NPAS3: variants seen among roughly 807,000 people sequenced by gnomAD.
The protein encoded by NPAS3 is neuronal PAS domain protein 3, also known as neuronal PAS domain-containing protein 3.
In NPAS3, 14 loss-of-function variants were observed where a neutral mutation model predicts 73.1. The ratio of observed to expected loss-of-function variants is 0.19; its 90% confidence interval spans 0.13 to 0.30. The LOEUF (loss-of-function observed/expected upper bound fraction) is 0.30, where lower values mean the gene tolerates loss of function less well. Among genes scored for constraint, NPAS3 ranks in the 10% least tolerant of loss-of-function variants. NPAS3 has a pLI of 1.00. For missense variants in NPAS3, 1,096 were observed against 1,250.0 expected, an observed-to-expected ratio of 0.88 and a Z score of 1.86; for synonymous variants, 620 against 541.5, an observed-to-expected ratio of 1.14 and a Z score of -2.01.
chr14:33,156,279 G>A lies in NPAS3; in HGVS notation c.141-58903G>A, dbSNP rs1280263314. 2.0e-5 allele frequency among the ~76,000 whole-genome samples: 3 copies of A among 152,170 alleles called. No individual in the cohort carries two copies. In the South Asian group the frequency reaches 6.2e-4, roughly 32 times the overall value. ...TTTATTGGATTTTTGCATCACTGCA[G>A]ATTGATCTATTGAATTTGTCACAGT... On this transcript the variant is annotated intron_variant, in intron 2 of 11. Transcript: ENST00000356141.
intron 6 of NPAS3, chr14:33,680,635 C>G (rs905416230): frequency 2.8e-6 from 2 of 702,560 alleles, no homozygotes; most frequent in African/African-American, 3.5e-5. Flanking sequence ...TGATCAGTTT[C>G]TTCTGTAGGA....
intron 1 of NPAS3, among the ~76,000 whole-genome samples, chr14:33,027,147 G>A (rs187625276): frequency 1.9e-3 from 295 of 152,264 alleles, no homozygotes; most frequent in African/African-American, 6.5e-3. Context: ...GACCACCAGC[G>A]TTGGCAGGGA....
At chr14:33,637,351 C>G (rs1184090618) in intron 5 of NPAS3, among the ~76,000 whole-genome samples, 1 of 152,174 alleles carries the variant, frequency 6.6e-6, no homozygotes, top group East Asian at 1.9e-4. Context: ...CTCCACTTTG[C>G]TGGATTCAGC....
chr14:33,104,451 A>T (rs191669035), intron 2 of NPAS3, among the ~76,000 whole-genome samples: 1 of 152,210 alleles, frequency 6.6e-6, no homozygotes, highest in Non-Finnish European at 1.5e-5. Flanking sequence ...GAAATTTTAT[A>T]TATAGTGAAC....
At chr14:33,412,468 C>T (rs567893170) in intron 4 of NPAS3, among the ~76,000 whole-genome samples, 1 of 152,262 alleles carries the variant, frequency 6.6e-6, no homozygotes, top group African/African-American at 2.4e-5. Context: ...AATATCTTTG[C>T]TCTGTAGCTT....
At chr14:33,435,177 T>C (rs2048937402) in intron 4 of NPAS3, among the ~76,000 whole-genome samples, 1 of 152,178 alleles carries the variant, frequency 6.6e-6, no homozygotes, top group Non-Finnish European at 1.5e-5. Context: ...CCATCAGTCA[T>C]AACCCATCAG....
chr14:33,265,791 C>T (rs981072742), intron 3 of NPAS3, among the ~76,000 whole-genome samples: 4 of 151,828 alleles, frequency 2.6e-5, no homozygotes, highest in African/African-American at 9.7e-5. Context: ...ATATTTAAAT[C>T]AACCCCTTAA....
chr14:33,284,655 T>A (rs2041789453), intron 3 of NPAS3, among the ~76,000 whole-genome samples: 1 of 152,174 alleles, frequency 6.6e-6, no homozygotes, highest in South Asian at 2.1e-4. Context: ...AGAAAGGAAC[T>A]GTTTCTTAAG....
Position 33,177,109 on chromosome 14 carries a change from T to TATTATTATTATTATC in NPAS3, c.141-38071_141-38070insTATTATTATTATCAT, listed in dbSNP as rs1354243278. Among the ~76,000 whole-genome samples, 284 of 145,152 alleles carry TATTATTATTATTATC rather than the reference T, an allele frequency of 2.0e-3. 3 individuals carry two copies. Among genetic ancestry groups the TATTATTATTATTATC allele is most frequent in the African/African-American group, 6.9e-3 (271 of 39,018 alleles). On this transcript the variant is annotated intron_variant, in intron 2 of 11. Transcript: ENST00000356141. ...TTATTATTATTATTATTATTATTAT[T>TATTATTATTATTATC]ATCTTTGAGACAGAGTCTTGCTCTG...
chr14:32,997,540 G>A (rs7141560), intron 1 of NPAS3, among the ~76,000 whole-genome samples: 2,946 of 152,088 alleles, frequency 0.019, 56 homozygotes, highest in African/African-American at 0.05. Context: ...GCTGTTCTTG[G>A]GATAGTGAAT....
intron 1 of NPAS3, among the ~76,000 whole-genome samples, chr14:32,971,821 C>T (rs1485225883): frequency 6.6e-6 from 1 of 151,976 alleles, no homozygotes; most frequent in Non-Finnish European, 1.5e-5. Context: ...TTAGCATGTT[C>T]CTTCTACATC....
At chr14:33,543,558 C>A (rs1414288980) in intron 4 of NPAS3, among the ~76,000 whole-genome samples, 2 of 149,740 alleles carry the variant, frequency 1.3e-5, no homozygotes, top group Non-Finnish European at 3.0e-5. Flanking sequence ...CCAGGAGTCA[C>A]CCTTTGTAAA....
In NPAS3 at chr14:33,201,614, G is replaced by A. The variant is rs147534943; in HGVS notation, c.141-13568G>A. ...ATGTATAGCGTCCTGTGACAGGCAG[G>A]CAACAGGATATCTGCCTTGGTCAAG... On this transcript the variant is annotated intron_variant, in intron 2 of 11. Transcript: ENST00000356141. 3.9e-5 allele frequency among the ~76,000 whole-genome samples: 6 copies of A among 152,312 alleles called. No homozygotes were observed. In the East Asian group the frequency reaches 1.2e-3, roughly 29 times the overall value.
chr14:33,560,009 C>A (rs199860395), intron 4 of NPAS3, 112 bp from the exon 5 acceptor site: 833 of 393,038 alleles, frequency 2.1e-3, no homozygotes, highest in African/African-American at 5.6e-3. Flanking sequence ...GACTCTGTCT[C>A]AAAAAAAAAA....
intron 4 of NPAS3, among the ~76,000 whole-genome samples, chr14:33,378,990 C>G (rs899867621): frequency 7.2e-5 from 11 of 152,080 alleles, no homozygotes; most frequent in African/African-American, 2.7e-4. Context: ...CTGACATGAC[C>G]GCGAGTGGAA....
chr14:33,544,790 A>G (rs571689591), intron 4 of NPAS3, among the ~76,000 whole-genome samples: 1 of 53,374 alleles, frequency 1.9e-5, no homozygotes, highest in Non-Finnish European at 3.6e-5. Context: ...TGTGTGTATT[A>G]TATATATATA....
intron 1 of NPAS3, among the ~76,000 whole-genome samples, chr14:32,950,883 TTAG>T (rs1444545821): frequency 6.6e-6 from 1 of 152,064 alleles, no homozygotes; most frequent in African/African-American, 2.4e-5. Flanking sequence ...AGGACAGAAG[TTAG>T]TAGAGAGCTC....
intron 6 of NPAS3, among the ~76,000 whole-genome samples, chr14:33,702,638 G>A (rs1274313691): frequency 1.3e-5 from 2 of 152,114 alleles, no homozygotes; most frequent in African/African-American, 4.8e-5. Context: ...CATAATTACA[G>A]GGGTTATCTT....
At chr14:33,776,528 A>T (rs2062823603) in intron 8 of NPAS3, among the ~76,000 whole-genome samples, 2 of 63,582 alleles carry the variant, frequency 3.1e-5, no homozygotes, top group African/African-American at 1.6e-4. Flanking sequence ...TCTTAAAAAA[A>T]AAAAAAAAAA....
Sources: gnomAD v4.1 joint callset for allele counts (sites outside exome capture counted in the v4.1 genomes callset) on GRCh38, gnomAD v4.1.1 for gene constraint, MANE v1.5 for transcripts, NCBI Gene and HGNC (gene_info 2026-07-23, HGNC 2026-07-21) for gene names.